The following FRAS1 variants were observed in gnomAD, a reference collection of about 807,000 sequenced individuals.
FRAS1 encodes Fraser extracellular matrix complex subunit 1.
FRAS1 carries 290 observed loss-of-function variants against 435.2 expected under a neutral mutation model. The ratio of observed to expected loss-of-function variants is 0.67; its 90% CI spans 0.61 to 0.73. The LOEUF is 0.73. Among genes scored for constraint, FRAS1 ranks in the 30% least tolerant of loss-of-function variants. FRAS1 has a pLI of 0.00. For synonymous variants in FRAS1, 1,800 were observed against 1,851.0 expected (o/e 0.97, Z 0.71); for missense variants, 4,860 against 5,001.5 (o/e 0.97, Z 0.85).
intron 47 of FRAS1, among the ~76,000 whole-genome samples, chr4:78,461,734 A>G (rs1239907900): frequency 6.6e-6 from 1 of 152,194 alleles, no homozygotes; most frequent in Non-Finnish European, 1.5e-5. Context: ...TATTCCAGGT[A>G]TTTCGCTCCT....
chr4:78,318,859 T>A lies in FRAS1; in HGVS notation c.2010T>A (p.Cys670Ter), dbSNP rs1338479649. ...LACMGPAPSH[C>*]TGCKKPEEGL... The stretch of plus-strand genomic sequence containing the variant: ...GTATGGGTCCCGCACCCTCTCACTG[T>A]ACTGGGTGTAAGAAGCCAGAGGAAG... The change falls in exon 18 of 74, where the codon TGT (cysteine) becomes TGA (stop). Residue 670 changes from cysteine (C) to a stop codon, truncating the protein, a stop_gained. Transcript: ENST00000512123. LOFTEE classifies it high-confidence loss of function. The A allele has an allele frequency of 1.2e-6, 2 of 1,613,972 alleles. No homozygotes were observed. The highest frequency in any genetic ancestry group is 1.7e-6 in the Non-Finnish European group (2 of 1,179,842).
intron 2 of FRAS1, among the ~76,000 whole-genome samples, chr4:78,073,209 G>A (rs965255337): frequency 6.6e-6 from 1 of 152,086 alleles, no homozygotes; most frequent in Non-Finnish European, 1.5e-5. Flanking sequence ...TCCTATTTGG[G>A]AATTTATATG....
At chr4:78,094,113 T>G (rs1468555698) in intron 2 of FRAS1, among the ~76,000 whole-genome samples, 3 of 144,832 alleles carry the variant, frequency 2.1e-5, no homozygotes. Flanking sequence ...AGTTTTTTTT[T>G]TTTTTTTTTT....
chr4:78,267,190 T>C, intron 8 of FRAS1, 51 bp from the exon 9 acceptor site: 2 of 1,565,688 alleles, frequency 1.3e-6, no homozygotes. Context: ...TTGGCTTGGG[T>C]GTTTCACCGT....
chr4:78,069,793 T>G (rs1740242802), intron 2 of FRAS1, among the ~76,000 whole-genome samples: 1 of 152,142 alleles, frequency 6.6e-6, no homozygotes. Context: ...ATAGTTTTTT[T>G]TTTTTTTTTA....
At chr4:78,197,809 T>C (rs1051358170) in intron 2 of FRAS1, among the ~76,000 whole-genome samples, 7 of 151,908 alleles carry the variant, frequency 4.6e-5, no homozygotes, top group South Asian at 2.1e-4. Flanking sequence ...GGCGTGGTGG[T>C]GGGCGCCTGT....
intron 2 of FRAS1, among the ~76,000 whole-genome samples, chr4:78,116,865 CT>C (rs1560531011): frequency 6.6e-6 from 1 of 152,158 alleles, no homozygotes; most frequent in African/African-American, 2.4e-5. Flanking sequence ...GAATTTGATC[CT>C]GTCATTATGA....
chr4:78,270,043 C>T (rs895288233), intron 9 of FRAS1, among the ~76,000 whole-genome samples: 1 of 152,118 alleles, frequency 6.6e-6, no homozygotes. Context: ...TCTGTCTGGC[C>T]TATGCAACAG....
rs150308712 is a variant in FRAS1 at position 78,339,473 on chromosome 4, G to A, written c.2422+1656G>A. Among the ~76,000 whole-genome samples the A allele has an allele frequency of 7.7e-4, 118 of 152,370 alleles. 1 individual carries two copies. In the Middle Eastern group the frequency reaches 0.027, roughly 35 times the overall value. On this transcript the variant is annotated intron_variant, in intron 20 of 73. Transcript: ENST00000512123. ...GTAACACCAACCAGTAATAAGGGCT[G>A]TAGGAGTTCAAGGTAGGGAGAAGTA...
intron 2 of FRAS1, among the ~76,000 whole-genome samples, chr4:78,211,821 CAG>C (rs1723517706): frequency 6.6e-6 from 1 of 152,146 alleles, no homozygotes; most frequent in South Asian, 2.1e-4. Context: ...TAATCCCAAA[CAG>C]AATCCCTGTA....
At position 78,432,501 on chromosome 4, in the gene FRAS1, T is replaced by C; in HGVS notation, c.5114T>C (p.Leu1705Pro). The stretch of plus-strand genomic sequence containing the variant: ...CTGGAGGTGAGAGTAGAGGTGTCCC[T>C]GTCAGAAGACCGAGGGCCTCGACTG... ...TMLEVRVEVS[L>P]SEDRGPRLAA... The change falls in exon 38 of 74, where the codon CTG becomes CCG. Residue 1705 changes from leucine to proline, a missense_variant. Coordinates refer to ENST00000512123, the MANE Select transcript of FRAS1 (RefSeq NM_025074.7). The C allele has an allele frequency of 1.2e-6, 2 of 1,613,222 alleles. No individual in the cohort carries two copies. Among genetic ancestry groups the C allele is most frequent in the Non-Finnish European group, 1.7e-6 (2 of 1,179,582 alleles).
chr4:78,454,867 T>A lies in FRAS1; in HGVS notation c.6763+2513T>A, dbSNP rs142067954. Among the ~76,000 whole-genome samples, 1,150 of 152,332 alleles carry A rather than the reference T, an allele frequency of 7.5e-3. 23 individuals are homozygous for A. The highest frequency in any genetic ancestry group is 0.026 in the African/African-American group (1,066 of 41,586). ...TTTCCTGGGCTTAAAATCTGGTTAC[T>A]GAAACCAAGCCAGCTGTGGTTCGGG... On this transcript the variant is annotated intron_variant, in intron 47 of 73. Coordinates refer to ENST00000512123, the MANE Select transcript of FRAS1 (RefSeq NM_025074.7).
At chr4:78,087,827 T>C (rs1409372577) in intron 2 of FRAS1, among the ~76,000 whole-genome samples, 4 of 152,126 alleles carry the variant, frequency 2.6e-5, no homozygotes, top group African/African-American at 9.7e-5. Context: ...GAAGAATCAA[T>C]ATTGTGAAAA....
rs1722090019 is a variant in FRAS1 at position 78,542,558 on chromosome 4, T to G, written c.*1434T>G. ...GCCTTCACATTGTGTAATATTTGTA[T>G]GAGAATGACTCAAGCTCTTTGAGAA... On this transcript the variant is annotated 3_prime_UTR_variant, in exon 74 of 74. Coordinates refer to ENST00000512123, the MANE Select transcript of FRAS1 (RefSeq NM_025074.7). 1 of 152,670 alleles carries G rather than the reference T, an allele frequency of 6.6e-6. No homozygotes were observed. Among genetic ancestry groups the G allele is most frequent in the African/African-American group, 2.4e-5 (1 of 41,458 alleles). 9.5% of individuals were successfully genotyped at this position (152,670 alleles called of 1,614,324 possible). A position where few individuals can be genotyped will look rare whatever the true frequency, so the allele number is the denominator to read the frequency against.
At chr4:78,321,715 C>T (rs928969859) in intron 18 of FRAS1, among the ~76,000 whole-genome samples, 5 of 151,336 alleles carry the variant, frequency 3.3e-5, no homozygotes, top group African/African-American at 1.2e-4. Flanking sequence ...CATGGTGGCA[C>T]GTGCCTGTAG....
chr4:78,459,255 C>T (rs1421026060), intron 47 of FRAS1, among the ~76,000 whole-genome samples: 1 of 152,224 alleles, frequency 6.6e-6, no homozygotes, highest in African/African-American at 2.4e-5. Context: ...CCCTCTTTTC[C>T]TCCCTGCCTT....
At chr4:78,347,632 G>A (rs113149393) in intron 20 of FRAS1, among the ~76,000 whole-genome samples, 3,055 of 152,210 alleles carry the variant, frequency 0.02, 49 homozygotes, top group Non-Finnish European at 0.031. Flanking sequence ...TAACAAGGGT[G>A]TCCTCAACTG....
chr4:78,105,509 G>C (rs1456427378), intron 2 of FRAS1, among the ~76,000 whole-genome samples: 3 of 152,134 alleles, frequency 2.0e-5, no homozygotes, highest in South Asian at 2.1e-4. Context: ...GAGGATATGA[G>C]GAAAGATAAC....
At chr4:78,487,256 A>C (rs1441651433) in intron 58 of FRAS1, among the ~76,000 whole-genome samples, 1 of 152,174 alleles carries the variant, frequency 6.6e-6, no homozygotes, top group Non-Finnish European at 1.5e-5. Flanking sequence ...CTGACTTTTC[A>C]TTTAGTAATG....
Sources: allele counts gnomAD v4.1 joint callset (sites outside exome capture counted in the v4.1 genomes callset), GRCh38; gene constraint gnomAD v4.1.1; transcripts MANE v1.5; gene names NCBI Gene and HGNC (gene_info 2026-07-23, HGNC 2026-07-21).